The following MYOF variants were observed in gnomAD, a reference collection of about 807,000 sequenced individuals.
MYOF encodes myoferlin, also known as fer-1-like 3, myoferlin.
MYOF carries 244 observed loss-of-function variants against 284.2 expected under a neutral mutation model. The ratio of observed to expected loss-of-function variants is 0.86; its 90% CI spans 0.77 to 0.95. The LOEUF is 0.95. MYOF is among the 40% of genes least tolerant of loss of function. The pLI, the probability that MYOF is intolerant of heterozygous loss-of-function variation, is 0.00. For missense variants in MYOF, 2,496 were observed against 2,560.6 expected (o/e 0.97, Z 0.54); for synonymous variants, 904 against 919.7 (o/e 0.98, Z 0.31).
At chr10:93,312,765 C>G (rs1183377972) in intron 51 of MYOF, among the ~76,000 whole-genome samples, 1 of 151,964 alleles carries the variant, frequency 6.6e-6, no homozygotes, top group Non-Finnish European at 1.5e-5. Context: ...ATAGTGAAAC[C>G]ACCTGGGCTT....
chr10:93,457,359 C>T lies in MYOF; in HGVS notation c.89-422G>A, dbSNP rs150031764. Among the ~76,000 whole-genome samples, 314 of 152,320 alleles carry T rather than the reference C, an allele frequency of 2.1e-3. 2 individuals carry two copies. Among genetic ancestry groups the T allele is most frequent in the African/African-American group, 7.1e-3 (295 of 41,572 alleles). On this transcript the variant is annotated intron_variant, in intron 1 of 53. Transcript: ENST00000359263. Reference sequence around the variant, plus strand: ...ATGCCCTGATTTAAACCTGGAATTTCAGCTCTGAAGCTCATGCTGCATCTG... The same window carrying T: ...ATGCCCTGATTTAAACCTGGAATTTTAGCTCTGAAGCTCATGCTGCATCTG...
chr10:93,421,693 G>A (rs1848363697), intron 5 of MYOF, among the ~76,000 whole-genome samples: 1 of 152,034 alleles, frequency 6.6e-6, no homozygotes, highest in Admixed American at 6.6e-5. Context: ...ATCATGTGAT[G>A]CTGGCTCCCC....
chr10:93,412,873 C>T (rs1847959605), intron 5 of MYOF, among the ~76,000 whole-genome samples: 1 of 152,178 alleles, frequency 6.6e-6, no homozygotes, highest in Non-Finnish European at 1.5e-5. Context: ...AACCTTGGCA[C>T]CAGCCTCGGG....
chr10:93,430,181 G>A (rs1192630739), intron 4 of MYOF, among the ~76,000 whole-genome samples: 1 of 151,748 alleles, frequency 6.6e-6, no homozygotes, highest in African/African-American at 2.4e-5. Flanking sequence ...AGATCCGCCC[G>A]CCTCAGCCTC....
Position 93,343,932 on chromosome 10 carries a change from G to T in MYOF, c.4250C>A (p.Ala1417Asp). The change falls in exon 38 of 54, where the codon GCC (alanine) becomes GAC (aspartate). Residue 1417 changes from alanine (A) to aspartate (D), a missense_variant and splice_region_variant. This residue lies in a region of MYOF where 2,436 missense variants were observed against 2,480.7 expected (regional missense o/e 0.98). Coordinates refer to ENST00000359263, the MANE Select transcript of MYOF (RefSeq NM_013451.4). ...GCATGGTGGGGCAGACAGAAGGGAG[G>T]CTGCAAGACAAATACTTTCTTAATC... ...GKEDIVPQLKASLLSAPPCRD... is the reference protein window; with the variant it reads ...GKEDIVPQLKDSLLSAPPCRD... The T allele has an allele frequency of 1.9e-6, 3 of 1,614,116 alleles. No homozygotes were observed. Among genetic ancestry groups the T allele is most frequent in the Non-Finnish European group, 2.5e-6 (3 of 1,179,996 alleles).
chr10:93,437,398 G>A (rs1284801096), intron 3 of MYOF, among the ~76,000 whole-genome samples: 2 of 152,080 alleles, frequency 1.3e-5, no homozygotes, highest in African/African-American at 4.8e-5. Flanking sequence ...TAAGGGCTTT[G>A]CCGGCTGACT....
At position 93,341,292 on chromosome 10, in the gene MYOF, T is replaced by TTC. The variant is rs397782233; in HGVS notation, c.4327-1129_4327-1128insGA. 2.0e-5 allele frequency among the ~76,000 whole-genome samples: 3 copies of TTC among 151,818 alleles called. No homozygotes were observed. In the East Asian group the frequency reaches 5.8e-4, roughly 29 times the overall value. On this transcript the variant is annotated intron_variant, in intron 38 of 53. Transcript: ENST00000359263. Reference sequence around the variant, plus strand: ...ATGATTTAAAAGGCTTTTTTTTTTTTCAGACTAAGTTTTGCTCTTGTTGCT... The same window carrying TTC: ...ATGATTTAAAAGGCTTTTTTTTTTTTTCCAGACTAAGTTTTGCTCTTGTTGCT...
intron 4 of MYOF, among the ~76,000 whole-genome samples, chr10:93,430,120 G>C (rs1848775453): frequency 6.6e-6 from 1 of 151,560 alleles, no homozygotes; most frequent in Admixed American, 6.6e-5. Context: ...ATTTTTAGTA[G>C]AGATGGGGTT....
At chr10:93,465,695 A>G (rs1269385938) in intron 1 of MYOF, among the ~76,000 whole-genome samples, 2 of 151,422 alleles carry the variant, frequency 1.3e-5, no homozygotes, top group African/African-American at 4.8e-5. Context: ...TTGTATGTTG[A>G]GTAGAGATGG....
chr10:93,380,744 C>T (rs187223175), intron 20 of MYOF, among the ~76,000 whole-genome samples: 8 of 152,268 alleles, frequency 5.3e-5, no homozygotes, highest in Admixed American at 2.0e-4. Flanking sequence ...CCAGAGAAGA[C>T]GAAGAAACTG....
intron 16 of MYOF, among the ~76,000 whole-genome samples, chr10:93,394,227 G>A (rs952622175): frequency 6.6e-6 from 1 of 151,762 alleles, no homozygotes; most frequent in African/African-American, 2.4e-5. Context: ...TCAGCCTCCT[G>A]AGTAACTGGG....
chr10:93,320,317 G>T (rs1288455122), intron 48 of MYOF, among the ~76,000 whole-genome samples: 2 of 152,124 alleles, frequency 1.3e-5, no homozygotes, highest in Admixed American at 1.3e-4. Flanking sequence ...TCTATTTTGG[G>T]TACAATGAAG....
chr10:93,384,592 C>A, intron 19 of MYOF, among the ~76,000 whole-genome samples: 1 of 150,310 alleles, frequency 6.7e-6, no homozygotes, highest in East Asian at 2.0e-4. Flanking sequence ...TGCAGTGAGC[C>A]AAGGTCACAC....
Position 93,336,055 on chromosome 10 carries a change from C to A in MYOF, c.4438-9G>T. ...AGTTCACAATTATATATCTGAAAAC[C>A]ACCAACAGAGTCTTAATTTCTCATT... On this transcript the variant is annotated splice_polypyrimidine_tract_variant and intron_variant, in intron 40 of 53. Coordinates refer to ENST00000359263, the MANE Select transcript of MYOF (RefSeq NM_013451.4). 6.2e-7 allele frequency: 1 copy of A among 1,612,236 alleles called. No homozygotes were observed. Among genetic ancestry groups the A allele is most frequent in the Non-Finnish European group, 8.5e-7 (1 of 1,179,390 alleles).
chr10:93,410,957 G>A (rs1269405892), intron 5 of MYOF, among the ~76,000 whole-genome samples: 2 of 152,090 alleles, frequency 1.3e-5, no homozygotes, highest in East Asian at 1.9e-4. Flanking sequence ...CTCCACTTTC[G>A]AGCTATGTGA....
chr10:93,472,308 A>T (rs529464897), intron 1 of MYOF, among the ~76,000 whole-genome samples: 1 of 152,346 alleles, frequency 6.6e-6, no homozygotes, highest in East Asian at 1.9e-4. Context: ...ACACTTGTGC[A>T]GTGCTGGTGG....
chr10:93,397,363 T>C, intron 14 of MYOF, 25 bp downstream of exon 14: 1 of 1,603,048 alleles, frequency 6.2e-7, no homozygotes, highest in East Asian at 2.2e-5. Context: ...ATTCTTACTT[T>C]TTCAGAAAGA....
At chr10:93,441,396 T>G (rs1156444026) in intron 3 of MYOF, among the ~76,000 whole-genome samples, 1 of 152,064 alleles carries the variant, frequency 6.6e-6, no homozygotes, top group Admixed American at 6.5e-5. Flanking sequence ...ATTTCTTTTT[T>G]TTTTTGGAGA....
At chr10:93,335,132 C>G (rs916648195) in intron 41 of MYOF, among the ~76,000 whole-genome samples, 1 of 152,190 alleles carries the variant, frequency 6.6e-6, no homozygotes, top group African/African-American at 2.4e-5. Flanking sequence ...AAGAGAGTGA[C>G]ATTTGAGCTG....
Sources: allele counts gnomAD v4.1 joint callset (sites outside exome capture counted in the v4.1 genomes callset), GRCh38; gene constraint gnomAD v4.1.1; regional missense constraint gnomAD v4.1.1; transcripts MANE v1.5; gene names NCBI Gene and HGNC (gene_info 2026-07-23, HGNC 2026-07-21).